COL11A1: variants seen among roughly 807,000 people sequenced by gnomAD.
The protein encoded by COL11A1 is collagen alpha-1(XI) chain.
A neutral mutation model predicts 265.2 loss-of-function variants in COL11A1; 74 were observed. The ratio of observed to expected loss-of-function variants is 0.28; its 90% CI spans 0.23 to 0.34. COL11A1 has a LOEUF of 0.34. COL11A1 is among the 10% of genes least tolerant of loss of function. The pLI, the probability that COL11A1 is intolerant of heterozygous loss-of-function variation, is 1.00. For missense variants in COL11A1, 2,165 were observed against 2,263.6 expected, an observed-to-expected ratio of 0.96 and a Z score of 0.88; for synonymous variants, 816 against 727.6, an observed-to-expected ratio of 1.12 and a Z score of -1.96.
rs1414772864 is a variant in COL11A1, at chr1:103,074,675, A to G, written c.594T>C (p.Val198=). 3.1e-6 allele frequency: 5 copies of G among 1,613,416 alleles called. No individual in the cohort carries two copies. Among genetic ancestry groups the G allele is most frequent in the Middle Eastern group, 1.7e-4 (1 of 6,060 alleles). The part of the protein sequence containing the change: ...KPLDRSERAI[V]DTNGITVFGT... ...CAAAAACCGTGATTCCATTGGTATCAACAATTGCTCTCTCACTTCTATCAA... is the reference window on the plus strand; with the variant it reads ...CAAAAACCGTGATTCCATTGGTATCGACAATTGCTCTCTCACTTCTATCAA... Residue 198 remains valine (V), a synonymous_variant, in exon 4 of 67, where the codon GTT becomes GTC. Transcript: ENST00000370096.
intron 30 of COL11A1, among the ~76,000 whole-genome samples, chr1:102,986,365 A>G (rs1230166066): frequency 1.4e-5 from 2 of 140,716 alleles, no homozygotes. Flanking sequence ...TTGAACAATG[A>G]GAACACATGG....
At chr1:103,086,802 AC>A (rs1351657139) in intron 1 of COL11A1, among the ~76,000 whole-genome samples, 2 of 118,032 alleles carry the variant, frequency 1.7e-5, no homozygotes, top group African/African-American at 5.2e-5. Context: ...AAAGGTATCA[AC>A]CAAGCCTTTT....
chr1:103,080,740 A>G (rs1672345003), intron 2 of COL11A1, among the ~76,000 whole-genome samples: 1 of 151,888 alleles, frequency 6.6e-6, no homozygotes, highest in African/African-American at 2.4e-5. Context: ...TAATACAGCC[A>G]TATAGAAAAT....
chr1:102,931,370 C>T (rs959964040), intron 46 of COL11A1, among the ~76,000 whole-genome samples: 1 of 147,422 alleles, frequency 6.8e-6, no homozygotes, highest in South Asian at 2.2e-4. Flanking sequence ...CATTCAGGAG[C>T]AGGTTGTTCA....
intron 4 of COL11A1, among the ~76,000 whole-genome samples, chr1:103,070,008 T>A (rs963770377): frequency 4.6e-5 from 7 of 151,724 alleles, no homozygotes; most frequent in African/African-American, 1.7e-4. Context: ...AATTTTCTTT[T>A]TTTTTAATGT....
Position 102,877,946 on chromosome 1 carries a change from G to A in COL11A1, c.*73C>T, listed in dbSNP as rs1272924149. 5 of 1,500,346 alleles carry A rather than the reference G, an allele frequency of 3.3e-6. No homozygotes were observed. The African/African-American group carries it at 4.1e-5, about 12-fold the overall frequency. 92.9% of individuals were successfully genotyped at this position (1,500,346 alleles called of 1,614,324 possible). Reference sequence around the variant, plus strand: ...TCTATACCATCCTTATTCAAAACTTGCATGTGGCACAAAATGGGTTGGTGG... The same window carrying A: ...TCTATACCATCCTTATTCAAAACTTACATGTGGCACAAAATGGGTTGGTGG... On this transcript the variant is annotated 3_prime_UTR_variant, in exon 67 of 67. Coordinates refer to ENST00000370096, the MANE Select transcript of COL11A1 (RefSeq NM_001854.4).
At chr1:102,939,549 A>G (rs530315480) in intron 43 of COL11A1, among the ~76,000 whole-genome samples, 1 of 150,246 alleles carries the variant, frequency 6.7e-6, no homozygotes, top group Non-Finnish European at 1.5e-5. Context: ...AAATGTTTTT[A>G]AAAAGTTAGC....
intron 41 of COL11A1, among the ~76,000 whole-genome samples, chr1:102,954,610 C>G (rs949009775): frequency 6.6e-6 from 1 of 152,104 alleles, no homozygotes; most frequent in Admixed American, 6.5e-5. Context: ...TTTGGGAGGC[C>G]GAAGCGGGTG....
intron 42 of COL11A1, among the ~76,000 whole-genome samples, chr1:102,945,101 C>A (rs1401058541): frequency 6.6e-6 from 1 of 151,970 alleles, no homozygotes; most frequent in East Asian, 1.9e-4. Context: ...AAAAAAACAT[C>A]TTTTGGAAAC....
intron 5 of COL11A1, 145 bp from the exon 6 acceptor site, chr1:103,026,477 A>G (rs1473351122): frequency 1.5e-6 from 1 of 677,332 alleles, no homozygotes; most frequent in African/African-American, 1.8e-5. Context: ...TGTATTACAT[A>G]GAAGTATTAT....
intron 1 of COL11A1, among the ~76,000 whole-genome samples, chr1:103,093,831 C>A (rs1673520830): frequency 2.0e-5 from 3 of 152,086 alleles, no homozygotes; most frequent in Admixed American, 2.0e-4. Context: ...CAAAGTACAT[C>A]TCTAATTCAA....
At chr1:102,897,765 C>T (rs989146070) in intron 57 of COL11A1, among the ~76,000 whole-genome samples, 3 of 152,128 alleles carry the variant, frequency 2.0e-5, no homozygotes, top group Admixed American at 1.3e-4. Context: ...TCACTCTATG[C>T]TGGTGCCAGC....
intron 24 of COL11A1, among the ~76,000 whole-genome samples, chr1:103,000,807 A>C (rs1402328846): frequency 6.6e-6 from 1 of 152,052 alleles, no homozygotes; most frequent in Non-Finnish European, 1.5e-5. Flanking sequence ...GCAATTATTC[A>C]CTACAGCACC....
At chr1:103,045,983 T>G (rs1248385883) in intron 4 of COL11A1, among the ~76,000 whole-genome samples, 1 of 148,786 alleles carries the variant, frequency 6.7e-6, no homozygotes, top group Non-Finnish European at 1.5e-5. Context: ...TTCCATGGTG[T>G]ATATGTGCCA....
chr1:103,049,880 A>C (rs1669650247), intron 4 of COL11A1, among the ~76,000 whole-genome samples: 1 of 152,196 alleles, frequency 6.6e-6, no homozygotes, highest in Non-Finnish European at 1.5e-5. Context: ...GCTGGAAATG[A>C]AATCCTGGGC....
In COL11A1 at chr1:102,887,073, G is replaced by GT; in HGVS notation, c.4609-18dup. The GT allele has an allele frequency of 6.2e-7, 1 of 1,613,388 alleles. No homozygotes were observed. Among genetic ancestry groups the GT allele is most frequent in the Non-Finnish European group, 8.5e-7 (1 of 1,179,684 alleles). ...AGGTGGACCCTGTAAAGAAGATAAT[G>GT]TGAGTGCAATTGTTTCATAAAGTGG... On this transcript the variant is annotated splice_polypyrimidine_tract_variant and intron_variant, in intron 62 of 66. Transcript: ENST00000370096.
Position 102,898,973 on chromosome 1 carries a change from C to T in COL11A1, c.4108G>A (p.Ala1370Thr), listed in dbSNP as rs1322761774. 1.3e-6 allele frequency: 2 copies of T among 1,544,854 alleles called. No individual in the cohort carries two copies. The highest frequency in any genetic ancestry group is 8.8e-7 in the Non-Finnish European group (1 of 1,137,740). The change falls in exon 55 of 67, where the codon GCA (alanine) becomes ACA (threonine). Residue 1370 changes from alanine (A) to threonine (T), a missense_variant. By Grantham distance (58) the Ala-to-Thr change is moderately conservative. Coordinates refer to ENST00000370096, the MANE Select transcript of COL11A1 (RefSeq NM_001854.4). Reference sequence around the variant, plus strand: ...CCTTTTTCACCTTGTCTTCCCTCTGCACCTGCAGCTCCAGGAGGACCCTAT... The same window carrying T: ...CCTTTTTCACCTTGTCTTCCCTCTGTACCTGCAGCTCCAGGAGGACCCTAT... ...GKRGPPGAAG[A>T]EGRQGEKGAK...
intron 4 of COL11A1, among the ~76,000 whole-genome samples, chr1:103,035,434 G>A (rs1384653687): frequency 1.3e-5 from 2 of 151,976 alleles, no homozygotes; most frequent in African/African-American, 4.8e-5. Context: ...AATAAAAATT[G>A]TGCTGACATA....
Position 102,946,913 on chromosome 1 carries a change from A to G in COL11A1, c.3212T>C (p.Ile1071Thr), listed in dbSNP as rs1174825061. ...ERGSAGTAGP[I>T]GLPGRPGPQG... ...AGGTCCCGGGCGCCCTGGTAAACCA[A>G]TTGGGCCAGCTGTACCTGCTGACCC... is the stretch of plus-strand genomic sequence containing the variant. The change falls in exon 42 of 67, where the codon ATT (isoleucine) becomes ACT (threonine). Residue 1071 changes from isoleucine (I) to threonine (T), a missense_variant. Transcript: ENST00000370096. 6 of 1,613,442 alleles carry G rather than the reference A, an allele frequency of 3.7e-6. No individual in the cohort carries two copies. The highest frequency in any genetic ancestry group is 5.1e-6 in the Non-Finnish European group (6 of 1,179,820).
Sources: gnomAD v4.1 joint callset for allele counts (sites outside exome capture counted in the v4.1 genomes callset) on GRCh38, gnomAD v4.1.1 for gene constraint, MANE v1.5 for transcripts, NCBI Gene and HGNC (gene_info 2026-07-23, HGNC 2026-07-21) for gene names.